The following DNM3 variants were observed in gnomAD, a reference collection of about 807,000 sequenced individuals.
DNM3 encodes the protein dynamin-3.
DNM3 carries 47 observed loss-of-function variants against 101.6 expected under a neutral mutation model. The ratio of observed to expected loss-of-function variants is 0.46; its 90% CI spans 0.37 to 0.59. The LOEUF (loss-of-function observed/expected upper bound fraction) is 0.59. Ranked by LOEUF, DNM3 falls within the 20% of genes least tolerant of loss-of-function variation. DNM3 has a pLI of 0.00. For synonymous variants in DNM3, 385 were observed against 387.9 expected, an observed-to-expected ratio of 0.99 and a Z score of 0.09; for missense variants, 849 against 1,085.7, an observed-to-expected ratio of 0.78 and a Z score of 3.06.
At chr1:172,120,238 T>C (rs1163997085) in intron 13 of DNM3, among the ~76,000 whole-genome samples, 3 of 152,126 alleles carry the variant, frequency 2.0e-5, no homozygotes, top group Admixed American at 6.5e-5. Context: ...AGTCACATGG[T>C]GGCAGGCAAG....
chr1:172,368,060 A>G (rs749947227), intron 17 of DNM3, among the ~76,000 whole-genome samples: 1 of 151,872 alleles, frequency 6.6e-6, no homozygotes, highest in Non-Finnish European at 1.5e-5. Flanking sequence ...AGCATTGCAT[A>G]GATCACCTAG....
chr1:172,151,123 C>A (rs1257456911), intron 14 of DNM3, among the ~76,000 whole-genome samples: 1 of 152,088 alleles, frequency 6.6e-6, no homozygotes, highest in Non-Finnish European at 1.5e-5. Flanking sequence ...TAAACTAGAT[C>A]ATCTCTATGT....
intron 1 of DNM3, among the ~76,000 whole-genome samples, chr1:171,876,142 A>C (rs2035765745): frequency 6.6e-6 from 1 of 152,098 alleles, no homozygotes; most frequent in African/African-American, 2.4e-5. Context: ...ACGTACTTAC[A>C]TCTTTATTGA....
At chr1:171,928,772 G>A (rs1367471987) in intron 2 of DNM3, among the ~76,000 whole-genome samples, 1 of 152,176 alleles carries the variant, frequency 6.6e-6, no homozygotes, top group Non-Finnish European at 1.5e-5. Flanking sequence ...GGCGCAGGGT[G>A]GCTGGAGGAC....
intron 9 of DNM3, 105 bp from the exon 10 acceptor site, chr1:172,048,507 A>G: frequency 7.4e-7 from 1 of 1,349,726 alleles, no homozygotes; most frequent in Non-Finnish European, 9.9e-7. Context: ...TTGGTCTATT[A>G]CATGCTTAAT....
At chr1:172,264,101 A>G (rs2062769737) in intron 15 of DNM3, among the ~76,000 whole-genome samples, 2 of 152,226 alleles carry the variant, frequency 1.3e-5, no homozygotes, top group Admixed American at 1.3e-4. Context: ...GGTGACTTTC[A>G]TTAGGTCATG....
At chr1:172,404,045 TA>T (rs2070704865) in intron 20 of DNM3, among the ~76,000 whole-genome samples, 1 of 152,164 alleles carries the variant, frequency 6.6e-6, no homozygotes, top group Admixed American at 6.5e-5. Context: ...AGTACAGTTG[TA>T]TATACAGATT....
chr1:171,917,465 T>G (rs528508349), intron 1 of DNM3, among the ~76,000 whole-genome samples: 1 of 152,324 alleles, frequency 6.6e-6, no homozygotes, highest in East Asian at 1.9e-4. Flanking sequence ...TCTATTTTTT[T>G]GTCTAGGAGT....
intron 2 of DNM3, among the ~76,000 whole-genome samples, chr1:171,922,237 C>T (rs904414979): frequency 1.3e-5 from 2 of 151,574 alleles, no homozygotes; most frequent in South Asian, 2.1e-4. Flanking sequence ...TGTGTATGTG[C>T]GTATCTATAT....
intron 14 of DNM3, among the ~76,000 whole-genome samples, chr1:172,182,292 A>G (rs530132872): frequency 1.3e-5 from 2 of 152,132 alleles, no homozygotes; most frequent in South Asian, 2.1e-4. Context: ...AAATGGAGAT[A>G]ATAATGTTGA....
chr1:172,194,669 ACTAGGATTGCAACCC>A (rs1409108397), intron 14 of DNM3, among the ~76,000 whole-genome samples: 1 of 151,966 alleles, frequency 6.6e-6, no homozygotes, highest in East Asian at 1.9e-4. Flanking sequence ...TTTATCAGAG[ACTAGGATTGCAACCC>A]CTACTTTTTT....
At chr1:172,210,539 G>C (rs558823541) in intron 14 of DNM3, among the ~76,000 whole-genome samples, 4 of 151,998 alleles carry the variant, frequency 2.6e-5, no homozygotes, top group African/African-American at 9.6e-5. Context: ...AACTTAAGAT[G>C]CCTAAAGAGC....
chr1:171,912,438 T>G (rs2039385411), intron 1 of DNM3, among the ~76,000 whole-genome samples: 1 of 152,140 alleles, frequency 6.6e-6, no homozygotes, highest in Non-Finnish European at 1.5e-5. Context: ...TCTGTCTCTC[T>G]CTTTTTCTTT....
At chr1:172,066,396 T>C (rs1307363124) in intron 10 of DNM3, among the ~76,000 whole-genome samples, 1 of 152,230 alleles carries the variant, frequency 6.6e-6, no homozygotes, top group African/African-American at 2.4e-5. Context: ...AGGGCCTTCT[T>C]GCTGGTGCAG....
chr1:172,226,280 C>T (rs1054567255), intron 14 of DNM3, among the ~76,000 whole-genome samples: 1 of 152,116 alleles, frequency 6.6e-6, no homozygotes, highest in African/African-American at 2.4e-5. Context: ...GCTGTTATGC[C>T]AGTCTCCAAA....
intron 14 of DNM3, among the ~76,000 whole-genome samples, chr1:172,173,818 A>G (rs1257746091): frequency 1.3e-5 from 2 of 151,732 alleles, no homozygotes; most frequent in African/African-American, 2.4e-5. Flanking sequence ...CTTGGCCTAT[A>G]ATTTTATATT....
chr1:172,210,593 G>A (rs906784654), intron 14 of DNM3, among the ~76,000 whole-genome samples: 3 of 151,966 alleles, frequency 2.0e-5, no homozygotes, highest in African/African-American at 7.2e-5. Context: ...AAAGTATAAA[G>A]TTACATCTGA....
chr1:172,167,509 T>C (rs1252238561), intron 14 of DNM3, among the ~76,000 whole-genome samples: 1 of 152,230 alleles, frequency 6.6e-6, no homozygotes, highest in African/African-American at 2.4e-5. Context: ...TCTTCCACCA[T>C]GGTTGAACTA....
chr1:172,206,927 T>A (rs2060342790), intron 14 of DNM3, among the ~76,000 whole-genome samples: 1 of 152,028 alleles, frequency 6.6e-6, no homozygotes, highest in African/African-American at 2.4e-5. Context: ...CTCCTCTGAG[T>A]TTCTGTATAT....
Sources: gnomAD v4.1 joint callset for allele counts (sites outside exome capture counted in the v4.1 genomes callset) on GRCh38, gnomAD v4.1.1 for gene constraint, MANE v1.5 for transcripts, NCBI Gene and HGNC (gene_info 2026-07-23, HGNC 2026-07-21) for gene names.